The following FDFT1 variants were observed in gnomAD, a reference collection of about 807,000 sequenced individuals.
The protein encoded by FDFT1 is squalene synthase.
In FDFT1, 68 loss-of-function variants were observed where a neutral mutation model predicts 46.8. That is an observed-to-expected ratio of 1.45 (90% CI 1.19 to 1.78). The LOEUF (loss-of-function observed/expected upper bound fraction) is 1.78, where lower values mean the gene tolerates loss of function less well. FDFT1 is among the 40% of genes most tolerant of loss of function. The pLI, the probability that FDFT1 is intolerant of heterozygous loss-of-function variation, is 0.00. For synonymous variants in FDFT1, 351 were observed against 185.1 expected (o/e 1.90, Z -7.28); for missense variants, 928 against 524.4 (o/e 1.77, Z -7.52).
At chr8:11,808,164 A>C in intron 1 of FDFT1, 2 of 752,340 alleles carry the variant, frequency 2.7e-6, no homozygotes, top group Non-Finnish European at 1.7e-6. Flanking sequence ...GGGCGATGCA[A>C]AGACAGATGC....
upstream of FDFT1, among the ~76,000 whole-genome samples, chr8:11,799,753 C>G (rs997100138): frequency 5.9e-5 from 9 of 151,946 alleles, no homozygotes; most frequent in Non-Finnish European, 1.2e-4. Flanking sequence ...TGAGACCATC[C>G]TAACCAACAT....
chr8:11,828,706 T>G (rs1810352850), intron 5 of FDFT1, among the ~76,000 whole-genome samples: 1 of 152,262 alleles, frequency 6.6e-6, no homozygotes, highest in African/African-American at 2.4e-5. Flanking sequence ...GAGATGAACT[T>G]CTAGCATAGA....
At chr8:11,809,499 G>A (rs1195493358) in intron 2 of FDFT1, 168 bp from the exon 3 acceptor site, 32 of 1,329,614 alleles carry the variant, frequency 2.4e-5, no homozygotes, top group Non-Finnish European at 3.1e-5. Context: ...ATGTAAGGAA[G>A]GAAAACTAAT....
chr8:11,835,741 C>T (rs1289360540), intron 7 of FDFT1, among the ~76,000 whole-genome samples: 3 of 151,992 alleles, frequency 2.0e-5, no homozygotes, highest in Non-Finnish European at 4.4e-5. Flanking sequence ...CAGAATTAAC[C>T]CAGGAATGAA....
chr8:11,828,599 C>G (rs1215109025), intron 5 of FDFT1, among the ~76,000 whole-genome samples: 4 of 152,290 alleles, frequency 2.6e-5, no homozygotes, highest in South Asian at 2.1e-4. Context: ...GCCACACCAT[C>G]TTGCACACAC....
At chr8:11,807,025 CA>C (rs1373796209) in intron 1 of FDFT1, among the ~76,000 whole-genome samples, 1 of 40,190 alleles carries the variant, frequency 2.5e-5, no homozygotes, top group Non-Finnish European at 8.7e-5. Context: ...GAAATATATA[CA>C]AATAAAAACA....
chr8:11,836,288 G>A (rs1215541085), intron 7 of FDFT1, among the ~76,000 whole-genome samples: 2 of 152,196 alleles, frequency 1.3e-5, no homozygotes, highest in East Asian at 3.8e-4. Flanking sequence ...AGAGTAGTGT[G>A]TGAGACCCTG....
intron 3 of FDFT1, among the ~76,000 whole-genome samples, 156 bp from the exon 4 acceptor site, chr8:11,821,580 GACTCCATCTCAAAA>G (rs1405851095): frequency 2.0e-5 from 3 of 152,156 alleles, no homozygotes; most frequent in Admixed American, 6.5e-5. Flanking sequence ...AACATTGCGA[GACTCCATCTCAAAA>G]ACAAAAACAA....
chr8:11,826,002 C>T lies in FDFT1; in HGVS notation c.511-22C>T, dbSNP rs200252966. 6 of 1,497,824 alleles carry T rather than the reference C, an allele frequency of 4.0e-6. No homozygotes were observed. In the Middle Eastern group the frequency reaches 5.4e-4, roughly 135 times the overall value. The allele number at this position is 1,497,824 out of a possible 1,614,324, so 92.8% of individuals were successfully genotyped here. A position where few individuals can be genotyped will look rare whatever the true frequency, so the allele number is the denominator to read the frequency against. On this transcript the variant is annotated intron_variant, in intron 4 of 7. Coordinates refer to ENST00000220584, the MANE Select transcript of FDFT1 (RefSeq NM_004462.5). ...CAGTAAAAATTCCATTATTAAAGTG[C>T]TTTAAAAATCGTCTCTTACAGTACT...
intron 5 of FDFT1, among the ~76,000 whole-genome samples, chr8:11,829,834 GTT>G (rs140084347): frequency 6.6e-6 from 1 of 150,396 alleles, no homozygotes; most frequent in Non-Finnish European, 1.5e-5. Flanking sequence ...ATATCATAGT[GTT>G]TTTTTTTGTT....
chr8:11,795,993 G>C (rs1047237331), exon 1 of FDFT1: 1 of 152,222 alleles, frequency 6.6e-6, no homozygotes, highest in Non-Finnish European at 1.5e-5. Flanking sequence ...GGACACACTT[G>C]GACTCGACAG....
At chr8:11,808,448 C>A in intron 1 of FDFT1, 1 of 1,271,094 alleles carries the variant, frequency 7.9e-7, no homozygotes. Flanking sequence ...GCCCGTCCCG[C>A]CCCTCGTCGG....
intron 3 of FDFT1, among the ~76,000 whole-genome samples, chr8:11,821,246 C>T (rs1417551034): frequency 2.6e-5 from 4 of 152,194 alleles, no homozygotes; most frequent in Non-Finnish European, 5.9e-5. Context: ...AATCTAGAAA[C>T]ATTAGCATTT....
At chr8:11,810,704 T>G (rs1807593425) in intron 3 of FDFT1, among the ~76,000 whole-genome samples, 1 of 152,292 alleles carries the variant, frequency 6.6e-6, no homozygotes, top group African/African-American at 2.4e-5. Flanking sequence ...CACAAATAAC[T>G]GATTCTTCCA....
chr8:11,808,679 G>C (rs952736548), intron 1 of FDFT1, 115 bp from the exon 2 acceptor site: 2 of 1,492,560 alleles, frequency 1.3e-6, no homozygotes, highest in East Asian at 2.5e-5. Flanking sequence ...CTCGGGGAGA[G>C]GGCGGCAGGC....
At chr8:11,822,868 T>C in intron 4 of FDFT1, among the ~76,000 whole-genome samples, 1 of 152,236 alleles carries the variant, frequency 6.6e-6, no homozygotes. Flanking sequence ...GCACTGGTTA[T>C]GATAGTAACT....
chr8:11,820,178 G>T (rs1809023817), intron 3 of FDFT1, among the ~76,000 whole-genome samples: 1 of 152,178 alleles, frequency 6.6e-6, no homozygotes, highest in Non-Finnish European at 1.5e-5. Context: ...GGAGGCTGCA[G>T]AACAGCAAAT....
intron 3 of FDFT1, 60 bp from the exon 4 acceptor site, chr8:11,821,690 C>A (rs944248993): frequency 3.8e-6 from 6 of 1,584,018 alleles, no homozygotes; most frequent in South Asian, 2.2e-5. Context: ...GCCTTGTGAT[C>A]TTTGGTGCCA....
rs773119736 is a variant in FDFT1, at chr8:11,826,015, C to T, written c.511-9C>T. 6.6e-6 allele frequency: 10 copies of T among 1,524,926 alleles called. No individual in the cohort carries two copies. Among genetic ancestry groups the T allele is most frequent in the Admixed American group, 5.6e-5 (3 of 53,436 alleles). The allele number at this position is 1,524,926 out of a possible 1,614,324, so 94.5% of individuals were successfully genotyped here. On this transcript the variant is annotated splice_polypyrimidine_tract_variant and intron_variant, in intron 4 of 7. Coordinates refer to ENST00000220584, the MANE Select transcript of FDFT1 (RefSeq NM_004462.5). Reference sequence around the variant, plus strand: ...ATTATTAAAGTGCTTTAAAAATCGTCTCTTACAGTACTGCCACTATGTTGC... The same window carrying T: ...ATTATTAAAGTGCTTTAAAAATCGTTTCTTACAGTACTGCCACTATGTTGC...
Sources: allele counts gnomAD v4.1 joint callset (sites outside exome capture counted in the v4.1 genomes callset), GRCh38; gene constraint gnomAD v4.1.1; transcripts MANE v1.5; gene names NCBI Gene and HGNC (gene_info 2026-07-23, HGNC 2026-07-21).